BRF2: variants seen among roughly 807,000 people sequenced by gnomAD.
BRF2 encodes the protein BRF2 general transcription factor IIIB subunit.
BRF2 carries 17 observed loss-of-function variants against 26.6 expected under a neutral mutation model. The observed-to-expected ratio is 0.64, with a 90% confidence interval of 0.44 to 0.96. BRF2 has a LOEUF of 0.96. BRF2 is among the 40% of genes least tolerant of loss of function. The pLI, the probability that BRF2 is intolerant of heterozygous loss-of-function variation, is 0.00. For synonymous variants in BRF2, 219 were observed against 226.6 expected, an observed-to-expected ratio of 0.97 and a Z score of 0.30; for missense variants, 515 against 537.0, an observed-to-expected ratio of 0.96 and a Z score of 0.40.
At chr8:37,845,807 T>C (rs1331146413) in intron 3 of BRF2, 1 of 618,918 alleles carries the variant, frequency 1.6e-6, no homozygotes, top group South Asian at 1.8e-5. Flanking sequence ...TTAAAAAAAC[T>C]AGAAAAGACT....
At position 37,846,992 on chromosome 8, in the gene BRF2, A is replaced by T. The variant is rs371526024; in HGVS notation, c.398T>A (p.Leu133Gln). 6.2e-7 allele frequency: 1 copy of T among 1,614,190 alleles called. No individual in the cohort carries two copies. The highest frequency in any genetic ancestry group is 8.5e-7 in the Non-Finnish European group (1 of 1,180,006). The change falls in exon 3 of 4, where the codon CTA becomes CAA. Residue 133 changes from leucine to glutamine, a missense_variant. Transcript: ENST00000220659. Reference protein sequence around the residue: ...LITCRQHNWPLTMGAICTLLY... With the variant: ...LITCRQHNWPQTMGAICTLLY... The stretch of plus-strand genomic sequence containing the variant: ...CAGCGTGCAGATGGCCCCCATTGTT[A>T]GGGGCCAGTTATGCTGTCGGCAGGT...
At chr8:37,847,984 C>G (rs1805993713) in intron 2 of BRF2, among the ~76,000 whole-genome samples, 2 of 151,336 alleles carry the variant, frequency 1.3e-5, no homozygotes, top group Middle Eastern at 3.2e-3. Context: ...GAGTCTCGCT[C>G]TGTCACCCAG....
rs760199074 is a variant in BRF2 at position 37,844,653 on chromosome 8, G to A, written c.1097C>T (p.Pro366Leu). The change falls in exon 4 of 4, where the codon CCG becomes CTG. Residue 366 changes from proline to leucine, a missense_variant. Coordinates refer to ENST00000220659, the MANE Select transcript of BRF2 (RefSeq NM_018310.4). The stretch of plus-strand genomic sequence containing the variant: ...AGGGGGTACAGGGCAGATCCGCTTC[G>A]GGGACTTCAACATGCAGGGTGGCAA... ...LLLPPCMLKS[P>L]KRICPVPPVS... 31 of 1,614,038 alleles carry A rather than the reference G, an allele frequency of 1.9e-5. No individual in the cohort carries two copies. The highest frequency in any genetic ancestry group is 6.7e-5 in the East Asian group (3 of 44,876).
intron 1 of BRF2, 46 bp from the exon 2 acceptor site, chr8:37,848,701 C>T (rs1554528679): frequency 6.8e-7 from 1 of 1,477,104 alleles, no homozygotes. Flanking sequence ...CTTTATTCAT[C>T]AGACCCCTGC....
Position 37,849,633 on chromosome 8 carries a change from G to A in BRF2, c.151C>T (p.Arg51Ter). Residue 51 changes from arginine to a stop codon, truncating the protein, a stop_gained, in exon 1 of 4, where the codon CGA becomes TGA. Coordinates refer to ENST00000220659, the MANE Select transcript of BRF2 (RefSeq NM_018310.4). LOFTEE classifies it high-confidence loss of function. ...CTGTCCCCAGGGCCACAAGTACCTC[G>A]GAGATTGCCCTCGTCGCTGAAGGTA... is the stretch of plus-strand genomic sequence containing the variant. ...TTTFSDEGNL[R>*]EVTYSRSTGE... 1.2e-6 allele frequency: 2 copies of A among 1,612,708 alleles called. No individual in the cohort carries two copies. The highest frequency in any genetic ancestry group is 1.1e-5 in the South Asian group (1 of 91,020).
chr8:37,847,961 ATTT>A (rs998271737), intron 2 of BRF2, among the ~76,000 whole-genome samples: 2 of 137,620 alleles, frequency 1.5e-5, no homozygotes, highest in Non-Finnish European at 3.2e-5. Context: ...TATTATTATT[ATTT>A]TTTGAGACAG....
intron 2 of BRF2, 70 bp downstream of exon 2, chr8:37,848,526 C>G (rs1806006952): frequency 7.0e-7 from 1 of 1,423,300 alleles, no homozygotes; most frequent in Non-Finnish European, 9.9e-7. Context: ...GGATTACAGG[C>G]GTGAGCCACA....
rs769900619 is a variant in BRF2, at chr8:37,849,727, C to A, written c.57G>T (p.Ser19=). ...ACACCAGCTGGCTCTGCGAATAGTG[C>A]GAGTCTTCCACCAGCTCCGTGGAGC... The part of the protein sequence containing the change: ...DCGSTELVED[S]HYSQSQLVCS... Residue 19 remains serine, a synonymous_variant, in exon 1 of 4, where the codon TCG becomes TCT. Coordinates refer to ENST00000220659, the MANE Select transcript of BRF2 (RefSeq NM_018310.4). The A allele has an allele frequency of 1.2e-6, 2 of 1,613,534 alleles. No individual in the cohort carries two copies. The highest frequency in any genetic ancestry group is 1.7e-6 in the Non-Finnish European group (2 of 1,179,978).
In BRF2 at chr8:37,847,064, G is replaced by A; in HGVS notation, c.326C>T (p.Ala109Val). ...QAYRHSGIRA[A>V]RLQKKEVLVG... ...CAACACCTCCTTCTTTTGCAGCCTGGCCGCTCGGATGCCAGAGTGCCGATA... is the reference window on the plus strand; with the variant it reads ...CAACACCTCCTTCTTTTGCAGCCTGACCGCTCGGATGCCAGAGTGCCGATA... Residue 109 changes from alanine (A) to valine (V), a missense_variant, in exon 3 of 4, where the codon GCC (alanine) becomes GTC (valine). Physicochemically the swap from Ala to Val is moderately conservative, Grantham distance 64 (BLOSUM62 0). Transcript: ENST00000220659. The A allele has an allele frequency of 1.2e-6, 2 of 1,614,210 alleles. No individual in the cohort carries two copies. Among genetic ancestry groups the A allele is most frequent in the Non-Finnish European group, 1.7e-6 (2 of 1,180,044 alleles).
chr8:37,849,076 C>T (rs1806016614), intron 1 of BRF2, among the ~76,000 whole-genome samples: 1 of 152,142 alleles, frequency 6.6e-6, no homozygotes, highest in Admixed American at 6.5e-5. Flanking sequence ...GTGTATGCCA[C>T]CATACCTGGC....
At chr8:37,845,417 C>A (rs556176937) in intron 3 of BRF2, among the ~76,000 whole-genome samples, 1 of 151,686 alleles carries the variant, frequency 6.6e-6, no homozygotes, top group Non-Finnish European at 1.5e-5. Context: ...GAGGAGAGCA[C>A]GAACATTTAT....
rs368276424 is a variant in BRF2 at position 37,844,964 on chromosome 8, C to T, written c.786G>A (p.Ala262=). Reference sequence around the variant, plus strand: ...CCAGCAGCTCCTGCAGGCGGGAGGACGCCGGGTAGGGCAGGTCCACATTTG... The same window carrying T: ...CCAGCAGCTCCTGCAGGCGGGAGGATGCCGGGTAGGGCAGGTCCACATTTG... ...KLANVDLPYP[A]SSRLQELLAV... The change falls in exon 4 of 4, where the codon GCG becomes GCA. Residue 262 remains alanine, a synonymous_variant. Transcript: ENST00000220659. The T allele has an allele frequency of 6.9e-5, 111 of 1,614,080 alleles. No homozygotes were observed. The East Asian group carries it at 8.2e-4, about 12-fold the overall frequency.
At chr8:37,847,672 G>A (rs1030888484) in intron 2 of BRF2, among the ~76,000 whole-genome samples, 1 of 151,986 alleles carries the variant, frequency 6.6e-6, no homozygotes, top group Non-Finnish European at 1.5e-5. Context: ...TGGGATTACA[G>A]GTGTGCACCA....
chr8:37,845,912 G>A, intron 3 of BRF2: 1 of 574,898 alleles, frequency 1.7e-6, no homozygotes, highest in Non-Finnish European at 3.1e-6. Context: ...CAGCCACAAA[G>A]CCCATGGCAC....
At position 37,849,669 on chromosome 8, in the gene BRF2, C is replaced by T. The variant is rs752525380; in HGVS notation, c.115G>A (p.Val39Ile). ...TCGTCGCTGAAGGTAGTGGTAAGGA[C>T]CCCCTCGGTGACCACGCAGCCGCAG... ...SDCGCVVTEG[V>I]LTTTFSDEGN... is the part of the protein sequence containing the mutation. Residue 39 changes from valine to isoleucine, a missense_variant, in exon 1 of 4, where the codon GTC (valine) becomes ATC (isoleucine). Coordinates refer to ENST00000220659, the MANE Select transcript of BRF2 (RefSeq NM_018310.4). The T allele has an allele frequency of 1.2e-6, 2 of 1,613,496 alleles. No individual in the cohort carries two copies. Among genetic ancestry groups the T allele is most frequent in the Non-Finnish European group, 1.7e-6 (2 of 1,179,780 alleles).
intron 2 of BRF2, among the ~76,000 whole-genome samples, chr8:37,847,904 G>A (rs1309227378): frequency 2.0e-5 from 3 of 151,376 alleles, no homozygotes; most frequent in Non-Finnish European, 4.4e-5. Flanking sequence ...GAAAAGCTGG[G>A]CTAGGCCACC....
chr8:37,844,262 G>A lies in BRF2; in HGVS notation c.*228C>T, dbSNP rs79668496. The A allele has an allele frequency of 7.1e-4, 398 of 563,510 alleles. 2 individuals are homozygous for A. Among genetic ancestry groups the A allele is most frequent in the East Asian group, 6.8e-3 (234 of 34,560 alleles). The allele number at this position is 563,510 out of a possible 1,614,324, so 34.9% of individuals were successfully genotyped here. ...GCCATCTCACAGAACATGGACATAG[G>A]CAACTTGCTCTCCCACACCAAGGGA... On this transcript the variant is annotated 3_prime_UTR_variant, in exon 4 of 4. Transcript: ENST00000220659.
At position 37,848,636 on chromosome 8, in the gene BRF2, G is replaced by A; in HGVS notation, c.174C>T (p.Ser58=). ...GNLREVTYSR[S]TGENEQVSRS... is the part of the protein sequence containing the mutation. ...GACTAACTTGTTCGTTTTCCCCTGT[G>A]CTTCGGGAATATGTTACCTCTGTAA... The change falls in exon 2 of 4, where the codon AGC becomes AGT. Residue 58 remains serine, a synonymous_variant. Transcript: ENST00000220659. 6.2e-7 allele frequency: 1 copy of A among 1,614,018 alleles called. No homozygotes were observed. The highest frequency in any genetic ancestry group is 8.5e-7 in the Non-Finnish European group (1 of 1,179,876).
chr8:37,848,515 G>A, intron 2 of BRF2, 81 bp downstream of exon 2: 1 of 1,329,614 alleles, frequency 7.5e-7, no homozygotes. Flanking sequence ...CCAAAGTGCT[G>A]GGATTACAGG....
Sources: allele counts gnomAD v4.1 joint callset (sites outside exome capture counted in the v4.1 genomes callset), GRCh38; gene constraint gnomAD v4.1.1; transcripts MANE v1.5; gene names NCBI Gene and HGNC (gene_info 2026-07-23, HGNC 2026-07-21).